Variants in DAB1 observed in about 807,000 individuals in gnomAD.
DAB1 encodes the protein DAB adaptor protein 1.
Under a neutral mutation model 64.6 loss-of-function variants are expected in DAB1, and 15 were observed. That is an observed-to-expected ratio of 0.23 (90% confidence interval 0.16 to 0.36). The LOEUF (loss-of-function observed/expected upper bound fraction) is 0.36, where lower values mean the gene tolerates loss of function less well. Ranked by LOEUF, DAB1 falls within the 10% of genes least tolerant of loss-of-function variation. The pLI is 1.00. For missense variants in DAB1, 596 were observed against 706.7 expected (o/e 0.84, Z 1.78); for synonymous variants, 235 against 251.9 (o/e 0.93, Z 0.64).
chr1:57,660,705 C>A (rs2101668744), intron 6 of DAB1, among the ~76,000 whole-genome samples: 1 of 152,334 alleles, frequency 6.6e-6, no homozygotes. Flanking sequence ...CACCTCCTCT[C>A]CCAGGAGAAC....
intron 4 of DAB1, among the ~76,000 whole-genome samples, chr1:58,182,641 T>G (rs1656858810): frequency 6.6e-6 from 1 of 152,020 alleles, no homozygotes; most frequent in Non-Finnish European, 1.5e-5. Context: ...TTTGGTTCTT[T>G]TTTTTGGTAA....
chr1:58,356,663 G>A (rs1479390119), intron 3 of DAB1, among the ~76,000 whole-genome samples: 6 of 152,142 alleles, frequency 3.9e-5, no homozygotes, highest in Non-Finnish European at 8.8e-5. Flanking sequence ...AGGGCTGAAA[G>A]ACCAGAGCTG....
chr1:57,575,486 A>G (rs1358451702), intron 7 of DAB1, among the ~76,000 whole-genome samples: 1 of 152,228 alleles, frequency 6.6e-6, no homozygotes, highest in East Asian at 1.9e-4. Flanking sequence ...TTGAAAACAG[A>G]GCTGAAAGCA....
chr1:57,364,002 C>T (rs185793308), intron 1 of DAB1, among the ~76,000 whole-genome samples: 74 of 152,276 alleles, frequency 4.9e-4, no homozygotes, highest in Non-Finnish European at 7.8e-4. Context: ...AGGGATATTT[C>T]CTAAGAAAGT....
intron 7 of DAB1, among the ~76,000 whole-genome samples, chr1:57,575,872 A>G (rs895859018): frequency 6.6e-6 from 1 of 152,164 alleles, no homozygotes; most frequent in South Asian, 2.1e-4. Flanking sequence ...ATATACTGAT[A>G]ATTAATAAGC....
chr1:57,975,526 G>A (rs1303359588), intron 5 of DAB1, among the ~76,000 whole-genome samples: 1 of 152,200 alleles, frequency 6.6e-6, no homozygotes, highest in Non-Finnish European at 1.5e-5. Flanking sequence ...AATGGTACTT[G>A]ATGCAAGGGA....
chr1:57,668,729 C>T lies in DAB1; in HGVS notation n.552-19064G>A, dbSNP rs181535244. On this transcript the variant is annotated intron_variant and non_coding_transcript_variant, in intron 6 of 20. Transcript: ENST00000485760. ...TAAGACAAAAGGACACTCTCTAGAT[C>T]CTAAAAAGAGTGCATTTAACCTTGA... 1.2e-4 allele frequency among the ~76,000 whole-genome samples: 18 copies of T among 152,088 alleles called. No individual in the cohort carries two copies. The East Asian group carries it at 3.3e-3, about 28-fold the overall frequency.
intron 1 of DAB1, among the ~76,000 whole-genome samples, chr1:57,296,615 C>A (rs1242462146): frequency 6.6e-6 from 1 of 151,958 alleles, no homozygotes; most frequent in Non-Finnish European, 1.5e-5. Flanking sequence ...TTCTCACCAG[C>A]CTAATTAGGA....
chr1:57,505,629 T>A (rs1644334912), intron 7 of DAB1, among the ~76,000 whole-genome samples: 1 of 152,172 alleles, frequency 6.6e-6, no homozygotes, highest in Non-Finnish European at 1.5e-5. Flanking sequence ...GACTAATTAG[T>A]GTCCTGATTT....
intron 1 of DAB1, among the ~76,000 whole-genome samples, chr1:57,412,402 C>T (rs2101061650): frequency 6.6e-6 from 1 of 152,312 alleles, no homozygotes; most frequent in South Asian, 2.1e-4. Flanking sequence ...CTGAGAGAGG[C>T]TAAAAGCTGG....
intron 12 of DAB1, among the ~76,000 whole-genome samples, chr1:57,012,633 CA>C (rs1294627615): frequency 6.6e-6 from 1 of 152,164 alleles, no homozygotes; most frequent in African/African-American, 2.4e-5. Context: ...CAAAATAAAA[CA>C]GCAAGTTTTT....
chr1:58,005,448 G>A (rs1294514536), intron 5 of DAB1, among the ~76,000 whole-genome samples: 2 of 152,078 alleles, frequency 1.3e-5, no homozygotes, highest in Non-Finnish European at 2.9e-5. Context: ...CCTCACAAGT[G>A]TGTGGCCAGA....
chr1:58,085,995 G>A lies in DAB1; in HGVS notation n.387+64516C>T, dbSNP rs959032702. Among the ~76,000 whole-genome samples the A allele has an allele frequency of 5.1e-5, 6 of 118,586 alleles. No individual in the cohort carries two copies. The East Asian group carries it at 1.4e-3, about 27-fold the overall frequency. The allele number at this position is 118,586 out of a possible 152,430, so 77.8% of individuals were successfully genotyped here. On this transcript the variant is annotated intron_variant and non_coding_transcript_variant, in intron 5 of 20. Transcript: ENST00000485760. ...TTTTTTTTTTTTGAGACGGAGTCTC[G>A]CTCTGTCGCCCAGGCTGGAGTGCAG...
At chr1:58,351,846 G>A (rs1348388117) in intron 3 of DAB1, among the ~76,000 whole-genome samples, 1 of 146,304 alleles carries the variant, frequency 6.8e-6, no homozygotes, top group Non-Finnish European at 1.5e-5. Context: ...AGACCCTTAA[G>A]AAGCCTGTTG....
chr1:57,821,375 C>A (rs1652111640), downstream of DAB1, among the ~76,000 whole-genome samples: 1 of 152,282 alleles, frequency 6.6e-6, no homozygotes, highest in South Asian at 2.1e-4. Flanking sequence ...CCTGTAATGA[C>A]TGATGTTTAT....
intron 4 of DAB1, among the ~76,000 whole-genome samples, chr1:58,220,199 G>T (rs572942025): frequency 6.6e-6 from 1 of 152,224 alleles, no homozygotes; most frequent in Non-Finnish European, 1.5e-5. Flanking sequence ...AATTTTGCAG[G>T]GATATTGTAG....
chr1:58,300,453 AG>A (rs1372783425), intron 4 of DAB1, among the ~76,000 whole-genome samples: 7 of 151,482 alleles, frequency 4.6e-5, no homozygotes, highest in African/African-American at 1.7e-4. Flanking sequence ...AAGCTGACAC[AG>A]GAGAATCGCT....
intron 7 of DAB1, among the ~76,000 whole-genome samples, chr1:57,579,533 C>T (rs993277712): frequency 2.0e-5 from 3 of 152,114 alleles, no homozygotes; most frequent in Non-Finnish European, 4.4e-5. Context: ...TTTTTATTCC[C>T]TTAGTGATCT....
intron 4 of DAB1, among the ~76,000 whole-genome samples, chr1:58,161,743 A>G (rs1310397505): frequency 6.6e-6 from 1 of 152,196 alleles, no homozygotes; most frequent in African/African-American, 2.4e-5. Flanking sequence ...GTTCAAGGCC[A>G]TTCAGTTAGT....
Sources: gnomAD v4.1 joint callset for allele counts (sites outside exome capture counted in the v4.1 genomes callset) on GRCh38, gnomAD v4.1.1 for gene constraint, MANE v1.5 for transcripts, NCBI Gene and HGNC (gene_info 2026-07-23, HGNC 2026-07-21) for gene names.